NDRG1: variants seen among roughly 807,000 people sequenced by gnomAD.
NDRG1 encodes N-myc downstream regulated 1.
Under a neutral mutation model 56.9 loss-of-function variants are expected in NDRG1, and 32 were observed. That is an observed-to-expected ratio of 0.56 (90% confidence interval 0.42 to 0.76). The LOEUF (loss-of-function observed/expected upper bound fraction) is 0.76. NDRG1 is among the 30% of genes least tolerant of loss of function. The pLI, the probability that NDRG1 is intolerant of heterozygous loss-of-function variation, is 0.00. For missense variants in NDRG1, 507 were observed against 545.7 expected (o/e 0.93, Z 0.71); for synonymous variants, 211 against 204.1 (o/e 1.03, Z -0.29).
At chr8:133,251,859 G>A (rs1448481129) in intron 9 of NDRG1, among the ~76,000 whole-genome samples, 2 of 152,226 alleles carry the variant, frequency 1.3e-5, no homozygotes, top group East Asian at 1.9e-4. Flanking sequence ...CCAATGGAAA[G>A]TATCCTTAAA....
chr8:133,258,924 G>T, intron 6 of NDRG1: 1 of 584,508 alleles, frequency 1.7e-6, no homozygotes. Flanking sequence ...GCAAATGGGT[G>T]GGGCAGCTGC....
chr8:133,287,488 C>T (rs1858184691), intron 1 of NDRG1, among the ~76,000 whole-genome samples: 1 of 152,256 alleles, frequency 6.6e-6, no homozygotes, highest in Admixed American at 6.5e-5. Flanking sequence ...GACCCAGTTC[C>T]TGCCCCCACG....
rs530143616 is a variant in NDRG1 at position 133,238,976 on chromosome 8, G to A, written c.1087C>T (p.Arg363Cys). Residue 363 changes from arginine to cysteine, a missense_variant, in exon 16 of 16, where the codon CGC (arginine) becomes TGC (cysteine). Transcript: ENST00000323851. The stretch of plus-strand genomic sequence containing the variant: ...TGGGCCCCCTCGCTGGTGTGCGAGC[G>A]GCTGCGGGTGCCCTCGCTGGTGTGG... Reference protein sequence around the residue: ...RSHTSEGTRSRSHTSEGAHLD... With the variant: ...RSHTSEGTRSCSHTSEGAHLD... 13 of 1,591,308 alleles carry A rather than the reference G, an allele frequency of 8.2e-6. No homozygotes were observed. Among genetic ancestry groups the A allele is most frequent in the South Asian group, 5.7e-5 (5 of 87,292 alleles).
chr8:133,266,594 C>T (rs1477725707), intron 3 of NDRG1, among the ~76,000 whole-genome samples: 3 of 152,170 alleles, frequency 2.0e-5, no homozygotes, highest in Non-Finnish European at 4.4e-5. Context: ...TGTGAGTGAC[C>T]CCCCGTGAAG....
intron 7 of NDRG1, among the ~76,000 whole-genome samples, chr8:133,257,952 CCTGAGCCCAGAGAAATAACAATGACAA>C (rs1315860173): frequency 3.3e-5 from 5 of 152,122 alleles, no homozygotes; most frequent in Non-Finnish European, 7.3e-5. Flanking sequence ...TGGCTCTTGA[CCTGAGCCCAGAGAAATAACAATGACAA>C]CTGTCATGAA....
chr8:133,244,945 G>T (rs1855587648), intron 13 of NDRG1, among the ~76,000 whole-genome samples: 1 of 152,184 alleles, frequency 6.6e-6, no homozygotes, highest in Non-Finnish European at 1.5e-5. Flanking sequence ...AGACTGTGCA[G>T]CCAGCCTGGA....
intron 1 of NDRG1, among the ~76,000 whole-genome samples, chr8:133,295,435 C>A (rs1247158110): frequency 6.6e-6 from 1 of 152,206 alleles, no homozygotes; most frequent in East Asian, 1.9e-4. Flanking sequence ...CTCCCTTACA[C>A]CTTCCTTCAT....
At chr8:133,276,114 A>G (rs1423981311) in intron 3 of NDRG1, among the ~76,000 whole-genome samples, 11 of 152,186 alleles carry the variant, frequency 7.2e-5, no homozygotes, top group Admixed American at 7.2e-4. Context: ...CTGGTGCACA[A>G]TGCTGGGAAA....
At chr8:133,294,141 A>G (rs1245182257) in intron 1 of NDRG1, among the ~76,000 whole-genome samples, 1 of 152,142 alleles carries the variant, frequency 6.6e-6, no homozygotes, top group Admixed American at 6.5e-5. Context: ...CTGCCTTTTC[A>G]TTTGAGCCTG....
At chr8:133,250,566 A>G in intron 9 of NDRG1, 23 bp from the exon 10 acceptor site, 1 of 1,597,256 alleles carries the variant, frequency 6.3e-7, no homozygotes. Context: ...AGGTGAGAAG[A>G]TGGTCCTCAT....
chr8:133,295,437 T>C (rs886898818), intron 1 of NDRG1, among the ~76,000 whole-genome samples: 1 of 152,144 alleles, frequency 6.6e-6, no homozygotes, highest in African/African-American at 2.4e-5. Context: ...CCCTTACACC[T>C]TCCTTCATCC....
chr8:133,256,986 C>T, intron 7 of NDRG1, 123 bp from the exon 8 acceptor site: 1 of 907,126 alleles, frequency 1.1e-6, no homozygotes, highest in Non-Finnish European at 1.8e-6. Context: ...GCAGAGCAGG[C>T]TGCTGCTCCC....
chr8:133,241,766 C>T (rs2130666474), intron 15 of NDRG1: 1 of 581,994 alleles, frequency 1.7e-6, no homozygotes, highest in South Asian at 2.0e-5. Flanking sequence ...AGGGACAGTC[C>T]TCATCTAAAC....
Position 133,250,432 on chromosome 8 carries a change from C to A in NDRG1, c.698+8G>T. The A allele has an allele frequency of 6.2e-7, 1 of 1,608,918 alleles. No individual in the cohort carries two copies. Among genetic ancestry groups the A allele is most frequent in the Non-Finnish European group, 8.5e-7 (1 of 1,175,230 alleles). On this transcript the variant is annotated splice_region_variant and intron_variant, in intron 10 of 15. Coordinates refer to ENST00000323851, the MANE Select transcript of NDRG1 (RefSeq NM_006096.4). ...TAGCAATGATGTGGCTGAACTACAT[C>A]CCAATACCTGTTGTAGGCATTGATG... is the stretch of plus-strand genomic sequence containing the variant.
chr8:133,258,366 A>G lies in NDRG1; in HGVS notation c.450T>C (p.Ala150=). The G allele has an allele frequency of 6.2e-7, 1 of 1,611,186 alleles. No individual in the cohort carries two copies. The highest frequency in any genetic ancestry group is 8.5e-7 in the Non-Finnish European group (1 of 1,178,726). ...TTTCAAAAAATGCCAAAGCACTCAC[A>G]GCAAATCGAGTTAGGATGTAGGCGC... ...GAGAYILTRF[A]LNNPEMVEGL... is the part of the protein sequence containing the mutation. The change falls in exon 7 of 16, where the codon GCT becomes GCC. Residue 150 remains alanine (A), a splice_region_variant and synonymous_variant. Coordinates refer to ENST00000323851, the MANE Select transcript of NDRG1 (RefSeq NM_006096.4).
intron 7 of NDRG1, 114 bp downstream of exon 7, chr8:133,258,252 G>A (rs950993292): frequency 5.7e-6 from 6 of 1,048,496 alleles, no homozygotes; most frequent in South Asian, 1.4e-5. Flanking sequence ...CACAACTGTG[G>A]AGAATACGGG....
rs781381539 is a variant in NDRG1, at chr8:133,284,308, A to C, written c.4T>G (p.Ser2Ala). 13 of 1,614,020 alleles carry C rather than the reference A, an allele frequency of 8.1e-6. No homozygotes were observed. The East Asian group carries it at 2.9e-4, about 36-fold the overall frequency. M[S>A]REMQDVDLAE... ...AGGTCTACATCCTGCATCTCCCGAG[A>C]CATGTCCCTGCTGTCACCTGCCTGC... Residue 2 changes from serine (S) to alanine (A), a missense_variant, in exon 2 of 16, where the codon TCT (serine) becomes GCT (alanine). Physicochemically the swap from Ser to Ala is moderately conservative, Grantham distance 99 (BLOSUM62 1). Coordinates refer to ENST00000323851, the MANE Select transcript of NDRG1 (RefSeq NM_006096.4).
chr8:133,246,714 A>G, intron 12 of NDRG1, 51 bp from the exon 13 acceptor site: 1 of 1,539,818 alleles, frequency 6.5e-7, no homozygotes, highest in South Asian at 1.1e-5. Context: ...GCCAAAGCCA[A>G]AACATCTCCC....
rs111794438 is a variant in NDRG1 at position 133,280,270 on chromosome 8, G to C, written c.64-3C>G. Reference sequence around the variant, plus strand: ...TCTTGCAGGAGGCCGGTGATGGTCTGTGAAAAGACAAAAAAAATTGTCAAT... The same window carrying C: ...TCTTGCAGGAGGCCGGTGATGGTCTCTGAAAAGACAAAAAAAATTGTCAAT... On this transcript the variant is annotated splice_polypyrimidine_tract_variant and splice_region_variant and intron_variant, in intron 2 of 15. Transcript: ENST00000323851. 1 of 1,614,030 alleles carries C rather than the reference G, an allele frequency of 6.2e-7. No individual in the cohort carries two copies. The highest frequency in any genetic ancestry group is 1.1e-5 in the South Asian group (1 of 91,088).
Sources: gnomAD v4.1 joint callset for allele counts (sites outside exome capture counted in the v4.1 genomes callset) on GRCh38, gnomAD v4.1.1 for gene constraint, MANE v1.5 for transcripts, NCBI Gene and HGNC (gene_info 2026-07-23, HGNC 2026-07-21) for gene names.